TRAF3: variants seen among roughly 807,000 people sequenced by gnomAD.
TRAF3 encodes the protein TNF receptor-associated factor 3.
A neutral mutation model predicts 62.3 loss-of-function variants in TRAF3; 13 were observed. The ratio of observed to expected loss-of-function variants is 0.21; its 90% CI spans 0.14 to 0.33. The LOEUF is 0.33. Among genes scored for constraint, TRAF3 ranks in the 10% least tolerant of loss-of-function variants. The probability of loss-of-function intolerance (pLI) is 1.00; values close to 1 mark genes in which losing one functional copy is unlikely to be tolerated. For missense variants in TRAF3, 440 were observed against 741.8 expected, an observed-to-expected ratio of 0.59 and a Z score of 4.73; for synonymous variants, 269 against 283.4, an observed-to-expected ratio of 0.95 and a Z score of 0.51.
At chr14:102,825,361 A>G (rs7140494) in intron 1 of TRAF3, among the ~76,000 whole-genome samples, 64,687 of 152,088 alleles carry the variant, frequency 0.43, 18,874 homozygotes, top group African/African-American at 0.83. Flanking sequence ...GCTGCCCTTA[A>G]TCAGATGGTC....
chr14:102,861,106 C>G (rs1887652186), intron 2 of TRAF3, among the ~76,000 whole-genome samples: 1 of 152,242 alleles, frequency 6.6e-6, no homozygotes, highest in African/African-American at 2.4e-5. Flanking sequence ...TTGCAGCTGA[C>G]ACTGAATCAG....
intron 2 of TRAF3, among the ~76,000 whole-genome samples, chr14:102,866,321 G>A (rs891829770): frequency 2.0e-5 from 3 of 152,074 alleles, no homozygotes; most frequent in African/African-American, 4.8e-5. Context: ...TGTAGATGAC[G>A]GGTTGATGGG....
Position 102,891,550 on chromosome 14 carries a change from G to A in TRAF3, c.819+133G>A, listed in dbSNP as rs772346347. 3.0e-6 allele frequency: 3 copies of A among 1,001,460 alleles called. No homozygotes were observed. In the South Asian group the frequency reaches 4.3e-5, roughly 14 times the overall value. The allele number at this position is 1,001,460 out of a possible 1,614,324, so 62.0% of individuals were successfully genotyped here. A position where few individuals can be genotyped will look rare whatever the true frequency, so the allele number is the denominator to read the frequency against. ...TCAAGAGAATGTCAAAAAAAACTCT[G>A]TGTGATCTTGAGCTTATAAATGAAG... On this transcript the variant is annotated intron_variant, in intron 9 of 11. Transcript: ENST00000392745.
chr14:102,824,760 G>A (rs1289679139), intron 1 of TRAF3, among the ~76,000 whole-genome samples: 1 of 152,212 alleles, frequency 6.6e-6, no homozygotes, highest in Non-Finnish European at 1.5e-5. Flanking sequence ...TAATAAAGGG[G>A]CAGGATTTGC....
chr14:102,871,083 G>A (rs1370594154), intron 3 of TRAF3, among the ~76,000 whole-genome samples: 1 of 152,206 alleles, frequency 6.6e-6, no homozygotes, highest in Non-Finnish European at 1.5e-5. Context: ...TGCTGGGGTC[G>A]CTGCGGGATG....
chr14:102,788,491 A>G (rs1897615430), intron 1 of TRAF3, among the ~76,000 whole-genome samples: 1 of 152,038 alleles, frequency 6.6e-6, no homozygotes, highest in Admixed American at 6.6e-5. Flanking sequence ...GGAAGACTCC[A>G]TCTCAACAAA....
intron 1 of TRAF3, among the ~76,000 whole-genome samples, chr14:102,825,134 T>C (rs1297249009): frequency 6.6e-6 from 1 of 152,190 alleles, no homozygotes; most frequent in Admixed American, 6.5e-5. Context: ...GCCCACGCTG[T>C]GAGGACACCG....
At chr14:102,828,172 A>T (rs1900438524) in intron 1 of TRAF3, among the ~76,000 whole-genome samples, 1 of 152,210 alleles carries the variant, frequency 6.6e-6, no homozygotes, top group Non-Finnish European at 1.5e-5. Flanking sequence ...AGCATTTTTT[A>T]AAGATTCTTT....
chr14:102,779,269 CTTTTTTTT>C (rs61309052), intron 1 of TRAF3, among the ~76,000 whole-genome samples: 69 of 123,436 alleles, frequency 5.6e-4, no homozygotes, highest in African/African-American at 1.8e-3. Flanking sequence ...AGAATTCCAG[CTTTTTTTT>C]TTTTTTTTTT....
At chr14:102,878,903 A>G (rs1006172038) in intron 6 of TRAF3, among the ~76,000 whole-genome samples, 1 of 151,982 alleles carries the variant, frequency 6.6e-6, no homozygotes, top group African/African-American at 2.4e-5. Flanking sequence ...GGAAGGTTGT[A>G]CTGGGGTGTG....
At chr14:102,830,027 A>G (rs1900576269) in intron 1 of TRAF3, among the ~76,000 whole-genome samples, 1 of 152,210 alleles carries the variant, frequency 6.6e-6, no homozygotes, top group South Asian at 2.1e-4. Context: ...ATTTAAAACA[A>G]TGTTGACATC....
intron 7 of TRAF3, among the ~76,000 whole-genome samples, chr14:102,888,426 C>G (rs1889525556): frequency 6.6e-6 from 1 of 152,196 alleles, no homozygotes; most frequent in Non-Finnish European, 1.5e-5. Context: ...CCCGCAGTGT[C>G]CCTCCTCCTT....
chr14:102,899,194 T>TA (rs1890152973), intron 10 of TRAF3, among the ~76,000 whole-genome samples: 1 of 152,198 alleles, frequency 6.6e-6, no homozygotes, highest in African/African-American at 2.4e-5. Context: ...AATTCAGTGT[T>TA]ACCTTTGGGA....
rs575978862 is a variant in TRAF3 at position 102,906,506 on chromosome 14, A to G, written c.*722A>G. Reference sequence around the variant, plus strand: ...ACACTGGTTATCACTTGTGATAGGAAAGAGAATATTCAACCTGTTGTTATT... The same window carrying G: ...ACACTGGTTATCACTTGTGATAGGAGAGAGAATATTCAACCTGTTGTTATT... On this transcript the variant is annotated 3_prime_UTR_variant, in exon 12 of 12. Transcript: ENST00000392745. The G allele has an allele frequency of 1.3e-5, 2 of 152,390 alleles. No individual in the cohort carries two copies. Among genetic ancestry groups the G allele is most frequent in the African/African-American group, 4.8e-5 (2 of 41,600 alleles). 9.4% of individuals were successfully genotyped at this position (152,390 alleles called of 1,614,324 possible).
At chr14:102,833,937 C>G (rs1885805280) in intron 2 of TRAF3, among the ~76,000 whole-genome samples, 1 of 148,618 alleles carries the variant, frequency 6.7e-6, no homozygotes, top group African/African-American at 2.5e-5. Flanking sequence ...TGCAGTGAGC[C>G]AAGATTGCGC....
chr14:102,822,210 AAT>A (rs1900029606), intron 1 of TRAF3, among the ~76,000 whole-genome samples: 1 of 152,232 alleles, frequency 6.6e-6, no homozygotes, highest in Non-Finnish European at 1.5e-5. Flanking sequence ...TTTCCACAGA[AAT>A]ATGTTATTCA....
intron 6 of TRAF3, 62 bp from the exon 7 acceptor site, chr14:102,886,127 C>T (rs994335774): frequency 3.8e-6 from 6 of 1,571,700 alleles, no homozygotes; most frequent in Middle Eastern, 1.7e-4. Context: ...ATGGGGATCT[C>T]AGCGGGACTG....
At chr14:102,846,366 C>CA (rs1327107116) in intron 2 of TRAF3, among the ~76,000 whole-genome samples, 1 of 151,838 alleles carries the variant, frequency 6.6e-6, no homozygotes, top group South Asian at 2.1e-4. Flanking sequence ...ACAGCAACAA[C>CA]AAAAAAGGCA....
At chr14:102,867,364 C>G (rs936973674) in intron 2 of TRAF3, among the ~76,000 whole-genome samples, 1 of 152,136 alleles carries the variant, frequency 6.6e-6, no homozygotes, top group Non-Finnish European at 1.5e-5. Flanking sequence ...AGGCTGCTGG[C>G]TGGATTTGAT....
Sources: allele counts gnomAD v4.1 joint callset (sites outside exome capture counted in the v4.1 genomes callset), GRCh38; gene constraint gnomAD v4.1.1; transcripts MANE v1.5; gene names NCBI Gene and HGNC (gene_info 2026-07-23, HGNC 2026-07-21).